MOB3B: variants seen among roughly 807,000 people sequenced by gnomAD.
MOB3B encodes the protein MOB kinase activator-like 2B.
A neutral mutation model predicts 18.7 loss-of-function variants in MOB3B; 7 were observed. That is an observed-to-expected ratio of 0.37 (90% CI 0.21 to 0.70). The LOEUF is 0.70. Among genes scored for constraint, MOB3B ranks in the 30% least tolerant of loss-of-function variants. The probability of loss-of-function intolerance (pLI) is 0.52; values close to 1 mark genes in which losing one functional copy is unlikely to be tolerated. For missense variants in MOB3B, 253 were observed against 281.3 expected, an observed-to-expected ratio of 0.90 and a Z score of 0.72; for synonymous variants, 111 against 99.9, an observed-to-expected ratio of 1.11 and a Z score of -0.66.
intron 2 of MOB3B, among the ~76,000 whole-genome samples, chr9:27,451,877 G>A (rs1326518899): frequency 6.6e-6 from 1 of 152,220 alleles, no homozygotes; most frequent in African/African-American, 2.4e-5. Context: ...AGGAAATGGA[G>A]TGTAACAGAG....
chr9:27,496,411 A>C (rs2492814), intron 1 of MOB3B, among the ~76,000 whole-genome samples: 139,665 of 152,246 alleles, frequency 0.92, 64,992 homozygotes, highest in East Asian at 1. Flanking sequence ...CTCTCAGGTT[A>C]TTCGATTGGT....
chr9:27,355,605 G>T (rs187663749), intron 3 of MOB3B, among the ~76,000 whole-genome samples: 1 of 149,442 alleles, frequency 6.7e-6, no homozygotes, highest in Non-Finnish European at 1.5e-5. Flanking sequence ...TTTTGCCCAG[G>T]CCGGACTGCA....
At chr9:27,432,998 C>T (rs1822438579) in intron 2 of MOB3B, among the ~76,000 whole-genome samples, 1 of 152,070 alleles carries the variant, frequency 6.6e-6, no homozygotes, top group Non-Finnish European at 1.5e-5. Context: ...ATACCCTTTT[C>T]TCTTGAGAAT....
At chr9:27,370,065 T>C (rs1176946333) in intron 2 of MOB3B, among the ~76,000 whole-genome samples, 2 of 152,038 alleles carry the variant, frequency 1.3e-5, no homozygotes, top group Non-Finnish European at 2.9e-5. Flanking sequence ...TATGTAATTA[T>C]TGAATGCAAC....
chr9:27,436,872 G>A (rs1033120813), intron 2 of MOB3B, among the ~76,000 whole-genome samples: 1 of 152,000 alleles, frequency 6.6e-6, no homozygotes, highest in African/African-American at 2.4e-5. Flanking sequence ...AGAAATTTGA[G>A]CGGGGATCTG....
At chr9:27,481,511 GTTTTTT>G (rs536716885) in intron 1 of MOB3B, among the ~76,000 whole-genome samples, 12 of 69,722 alleles carry the variant, frequency 1.7e-4, no homozygotes, top group Non-Finnish European at 3.4e-4. Flanking sequence ...TTTTTTTTTT[GTTTTTT>G]TTGTTTTTTT....
At chr9:27,438,439 C>G (rs1822545718) in intron 2 of MOB3B, among the ~76,000 whole-genome samples, 1 of 152,174 alleles carries the variant, frequency 6.6e-6, no homozygotes, top group African/African-American at 2.4e-5. Flanking sequence ...ACCCCTGATA[C>G]AGCCAAGAGG....
At chr9:27,465,448 C>T (rs1005149448) in intron 1 of MOB3B, among the ~76,000 whole-genome samples, 6 of 152,174 alleles carry the variant, frequency 3.9e-5, no homozygotes, top group African/African-American at 1.4e-4. Flanking sequence ...CATGGGCTGG[C>T]ATTAAGTGTG....
chr9:27,442,846 T>G (rs1401135616), intron 2 of MOB3B, among the ~76,000 whole-genome samples: 1 of 152,214 alleles, frequency 6.6e-6, no homozygotes, highest in African/African-American at 2.4e-5. Context: ...CTGACTGAAA[T>G]GTAAGTTCCA....
intron 2 of MOB3B, among the ~76,000 whole-genome samples, chr9:27,365,165 A>AAAAAAAAAAAAAAAG (rs1460347864): frequency 2.0e-5 from 3 of 149,732 alleles, no homozygotes; most frequent in African/African-American, 7.3e-5. Context: ...GGGGAGGCAA[A>AAAAAAAAAAAAAAAG]AAAAAAAAAA....
At chr9:27,425,385 A>AAAAAC (rs56894911) in intron 2 of MOB3B, among the ~76,000 whole-genome samples, 47,976 of 144,554 alleles carry the variant, frequency 0.33, 8,281 homozygotes, top group Non-Finnish European at 0.36. Flanking sequence ...AAAAAAAAAA[A>AAAAAC]AAAACAAAAC....
chr9:27,436,409 A>G (rs192825858), intron 2 of MOB3B, among the ~76,000 whole-genome samples: 153 of 152,238 alleles, frequency 1.0e-3, no homozygotes, highest in African/African-American at 3.6e-3. Flanking sequence ...TTACTCTACT[A>G]TTTGCTTTTA....
chr9:27,524,328 G>GA (rs112562467), intron 1 of MOB3B: 45,732 of 1,598,028 alleles, frequency 0.029, 785 homozygotes, highest in African/African-American at 0.042. Context: ...TTTTTAGCTT[G>GA]CAAAAAAAAT....
At chr9:27,355,553 C>T (rs1007853632) in intron 3 of MOB3B, among the ~76,000 whole-genome samples, 2 of 137,466 alleles carry the variant, frequency 1.5e-5, no homozygotes. Context: ...TAGTTTTTTT[C>T]TTTTTCTTCT....
chr9:27,440,948 G>A (rs1822585745), intron 2 of MOB3B, among the ~76,000 whole-genome samples: 1 of 152,104 alleles, frequency 6.6e-6, no homozygotes, highest in African/African-American at 2.4e-5. Context: ...GGATGAAACT[G>A]TTCCACCTCA....
At chr9:27,477,732 C>A (rs1398966807) in intron 1 of MOB3B, among the ~76,000 whole-genome samples, 1 of 152,170 alleles carries the variant, frequency 6.6e-6, no homozygotes, top group Non-Finnish European at 1.5e-5. Context: ...CTTCTTAATG[C>A]AGGCCAGAAA....
At chr9:27,424,889 C>T (rs1221305143) in intron 2 of MOB3B, among the ~76,000 whole-genome samples, 2 of 152,200 alleles carry the variant, frequency 1.3e-5, no homozygotes, top group African/African-American at 4.8e-5. Flanking sequence ...GAGAAACCTT[C>T]CAGAAACTGT....
intron 2 of MOB3B, among the ~76,000 whole-genome samples, chr9:27,390,182 A>T (rs1215873475): frequency 1.3e-5 from 2 of 152,026 alleles, no homozygotes; most frequent in Non-Finnish European, 2.9e-5. Context: ...CCGCCTCCCA[A>T]GTTCAAGCGT....
At chr9:27,508,961 G>C (rs1483508067) in intron 1 of MOB3B, among the ~76,000 whole-genome samples, 1 of 152,150 alleles carries the variant, frequency 6.6e-6, no homozygotes, top group Non-Finnish European at 1.5e-5. Context: ...GGAACAACTG[G>C]AGAAAGCAAG....
Sources: allele counts gnomAD v4.1 joint callset (sites outside exome capture counted in the v4.1 genomes callset), GRCh38; gene constraint gnomAD v4.1.1; transcripts MANE v1.5; gene names NCBI Gene and HGNC (gene_info 2026-07-23, HGNC 2026-07-21).